SLC16A3: variants seen among roughly 807,000 people sequenced by gnomAD.
The protein encoded by SLC16A3 is monocarboxylate transporter 4.
Under a neutral mutation model 25.0 loss-of-function variants are expected in SLC16A3, and 22 were observed. That is an observed-to-expected ratio of 0.88 (90% CI 0.63 to 1.26). The LOEUF (loss-of-function observed/expected upper bound fraction) is 1.26. Ranked by LOEUF, SLC16A3 falls within the 50% of genes most tolerant of loss-of-function variation. The pLI is 0.00. For missense variants in SLC16A3, 731 were observed against 666.6 expected (o/e 1.10, Z -1.06); for synonymous variants, 390 against 309.2 (o/e 1.26, Z -2.74).
chr17:82,226,690 G>A (rs7215447), upstream of SLC16A3, among the ~76,000 whole-genome samples: 37,248 of 151,906 alleles, frequency 0.25, 5,012 homozygotes, highest in African/African-American at 0.34. Context: ...AATGCCCCCC[G>A]CCACCAACTG....
chr17:82,219,050 C>A (rs766899956), intron 1 of SLC16A3, among the ~76,000 whole-genome samples: 1 of 152,088 alleles, frequency 6.6e-6, no homozygotes, highest in African/African-American at 2.4e-5. Flanking sequence ...TCGGGGTTAC[C>A]GTGAGAGGAA....
intron 1 of SLC16A3, chr17:82,231,278 T>G (rs1196593112): frequency 2.0e-5 from 3 of 152,106 alleles, no homozygotes; most frequent in African/African-American, 4.8e-5. Flanking sequence ...CAGCCGTCCC[T>G]CCGGCCCGGG....
intron 4 of SLC16A3, among the ~76,000 whole-genome samples, chr17:82,238,237 A>C (rs1190244833): frequency 6.6e-6 from 1 of 152,178 alleles, no homozygotes; most frequent in East Asian, 1.9e-4. Context: ...TTGAAGGATG[A>C]CTGAGCTAAC....
upstream of SLC16A3, among the ~76,000 whole-genome samples, chr17:82,226,990 T>C (rs990302958): frequency 1.3e-5 from 2 of 152,138 alleles, no homozygotes; most frequent in Non-Finnish European, 2.9e-5. Context: ...GCCCACAGAC[T>C]TGACCTCTCT....
chr17:82,238,000 A>ACT, intron 4 of SLC16A3, 107 bp downstream of exon 4: 1 of 1,319,160 alleles, frequency 7.6e-7, no homozygotes, highest in Non-Finnish European at 1.0e-6. Context: ...GCAGTGTGGG[A>ACT]CTCAGAGCTG....
chr17:82,239,011 G>T lies in SLC16A3; in HGVS notation c.*35G>T. Reference sequence around the variant, plus strand: ...CGGGGCCGGCAGGCACAGGGAGGAGGTACAGAAGCCGGCAACGCTTGCTAT... The same window carrying T: ...CGGGGCCGGCAGGCACAGGGAGGAGTTACAGAAGCCGGCAACGCTTGCTAT... On this transcript the variant is annotated 3_prime_UTR_variant, in exon 5 of 5. Transcript: ENST00000582743. 1 of 1,488,774 alleles carries T rather than the reference G, an allele frequency of 6.7e-7. No homozygotes were observed. The highest frequency in any genetic ancestry group is 1.4e-5 in the South Asian group (1 of 69,342). The allele number at this position is 1,488,774 out of a possible 1,614,324, so 92.2% of individuals were successfully genotyped here.
intron 1 of SLC16A3, among the ~76,000 whole-genome samples, chr17:82,219,487 C>T (rs186946632): frequency 1.1e-3 from 166 of 152,244 alleles, no homozygotes; most frequent in African/African-American, 3.1e-3. Flanking sequence ...AGTGGCCGCC[C>T]GTAGGGTCTC....
intron 1 of SLC16A3, among the ~76,000 whole-genome samples, chr17:82,220,036 G>T (rs1460235577): frequency 6.6e-6 from 1 of 152,144 alleles, no homozygotes. Flanking sequence ...AGGTTGGGGG[G>T]GCTCTCAGGG....
In SLC16A3 at chr17:82,236,007, C is replaced by A. The variant is rs1409295594; in HGVS notation, c.-2C>A. On this transcript the variant is annotated 5_prime_UTR_variant, in exon 2 of 5. Coordinates refer to ENST00000582743, the MANE Select transcript of SLC16A3 (RefSeq NM_004207.4). ...GGTGAGGCGGAACCAACCCTCCTGG[C>A]CATGGGAGGGGCCGTGGTGGACGAG... The A allele has an allele frequency of 1.2e-6, 2 of 1,610,102 alleles. No homozygotes were observed. Among genetic ancestry groups the A allele is most frequent in the Non-Finnish European group, 1.7e-6 (2 of 1,178,844 alleles).
Position 82,237,429 on chromosome 17 carries a change from T to C in SLC16A3, c.659T>C (p.Leu220Pro), listed in dbSNP as rs1599560456. 1 of 1,585,166 alleles carries C rather than the reference T, an allele frequency of 6.3e-7. No individual in the cohort carries two copies. Residue 220 changes from leucine (L) to proline (P), a missense_variant, in exon 4 of 5, where the codon CTG (leucine) becomes CCG (proline). Coordinates refer to ENST00000582743, the MANE Select transcript of SLC16A3 (RefSeq NM_004207.4). ...PPRPSRRLLD[L>P]SVFRDRGFVL... is the part of the protein sequence containing the mutation. ...CGACCCTCCCGGCGCCTGCTAGACCTGAGCGTCTTCCGGGACCGCGGCTTT... is the reference window on the plus strand; with the variant it reads ...CGACCCTCCCGGCGCCTGCTAGACCCGAGCGTCTTCCGGGACCGCGGCTTT...
At position 82,239,872 on chromosome 17, in the gene SLC16A3, C is replaced by G. The variant is rs571451542; in HGVS notation, c.*896C>G. 10 of 625,498 alleles carry G rather than the reference C, an allele frequency of 1.6e-5. No homozygotes were observed. Among genetic ancestry groups the G allele is most frequent in the Non-Finnish European group, 2.3e-5 (10 of 434,106 alleles). The allele number at this position is 625,498 out of a possible 1,614,324, so 38.7% of individuals were successfully genotyped here. A position where few individuals can be genotyped will look rare whatever the true frequency, so the allele number is the denominator to read the frequency against. Reference sequence around the variant, plus strand: ...CTTTGCACCCTGTCCTCCATCCAGCCCGGCCCAGCGCTTGGGCTTGTCCTG... The same window carrying G: ...CTTTGCACCCTGTCCTCCATCCAGCGCGGCCCAGCGCTTGGGCTTGTCCTG... On this transcript the variant is annotated 3_prime_UTR_variant, in exon 5 of 5. Transcript: ENST00000582743.
In SLC16A3 at chr17:82,236,573, T is replaced by C. The variant is rs754135222; in HGVS notation, c.224-156T>C. 1.9e-5 allele frequency: 21 copies of C among 1,089,038 alleles called. No individual in the cohort carries two copies. The African/African-American group carries it at 2.5e-4, about 13-fold the overall frequency. The allele number at this position is 1,089,038 out of a possible 1,614,324, so 67.5% of individuals were successfully genotyped here. ...GCGGCGCTCACGTGTCATCATGGCCTGCGCTCGGGGAGCCTGCCCACGGGG... is the reference window on the plus strand; with the variant it reads ...GCGGCGCTCACGTGTCATCATGGCCCGCGCTCGGGGAGCCTGCCCACGGGG... On this transcript the variant is annotated intron_variant, in intron 2 of 4. Transcript: ENST00000582743.
chr17:82,238,471 C>CA (rs1220582961), intron 4 of SLC16A3, among the ~76,000 whole-genome samples: 1 of 152,224 alleles, frequency 6.6e-6, no homozygotes, highest in African/African-American at 2.4e-5. Flanking sequence ...ACCCAAACTC[C>CA]ACAAAGCCAT....
rs376724378 is a variant in SLC16A3 at position 82,236,194 on chromosome 17, G to T, written c.186G>T (p.Trp62Cys). ...EFGIGYSDTA[W>C]ISSILLAMLY... The stretch of plus-strand genomic sequence containing the variant: ...GGATCGGCTACAGCGACACAGCCTG[G>T]ATCTCCTCCATCCTGCTGGCCATGC... The change falls in exon 2 of 5, where the codon TGG (tryptophan) becomes TGT (cysteine). Residue 62 changes from tryptophan to cysteine, a missense_variant. Trp to Cys is a radical substitution (Grantham distance 215). Transcript: ENST00000582743. The T allele has an allele frequency of 1.9e-6, 3 of 1,612,998 alleles. No individual in the cohort carries two copies. Among genetic ancestry groups the T allele is most frequent in the Non-Finnish European group, 1.7e-6 (2 of 1,179,962 alleles).
At position 82,236,754 on chromosome 17, in the gene SLC16A3, C is replaced by T. The variant is rs1438990253; in HGVS notation, c.249C>T (p.Asn83=). The change falls in exon 3 of 5, where the codon AAC becomes AAT. Residue 83 remains asparagine (N), a synonymous_variant. Coordinates refer to ENST00000582743, the MANE Select transcript of SLC16A3 (RefSeq NM_004207.4). ...GTGPLCSVCV[N]RFGCRPVMLV... The stretch of plus-strand genomic sequence containing the variant: ...GTCCGCTCTGCAGTGTGTGCGTGAA[C>T]CGCTTTGGCTGCCGGCCCGTCATGC... 6.2e-7 allele frequency: 1 copy of T among 1,608,078 alleles called. No individual in the cohort carries two copies. The highest frequency in any genetic ancestry group is 1.7e-5 in the Admixed American group (1 of 60,020).
chr17:82,239,966 G>A lies in SLC16A3; in HGVS notation c.*990G>A, dbSNP rs966112068. On this transcript the variant is annotated 3_prime_UTR_variant, in exon 5 of 5. Transcript: ENST00000582743. The stretch of plus-strand genomic sequence containing the variant: ...GTGGCTGGGAGCCCGGTCAGAGGCC[G>A]CCGGGGCCCTCAGTAGGTGCGTCGT... 3.7e-5 allele frequency: 46 copies of A among 1,231,874 alleles called. No homozygotes were observed. The highest frequency in any genetic ancestry group is 8.4e-5 in the Admixed American group (2 of 23,708). The allele number at this position is 1,231,874 out of a possible 1,614,324, so 76.3% of individuals were successfully genotyped here.
At chr17:82,232,928 G>GGGGT (rs2050523689) in intron 1 of SLC16A3, among the ~76,000 whole-genome samples, 1 of 148,172 alleles carries the variant, frequency 6.7e-6, no homozygotes, top group Non-Finnish European at 1.5e-5. Flanking sequence ...CGGGGGGGGG[G>GGGGT]TTGGTAAATG....
Position 82,237,646 on chromosome 17 carries a change from C to T in SLC16A3, c.876C>T (p.Pro292=), listed in dbSNP as rs1289728690. 3.1e-6 allele frequency: 5 copies of T among 1,612,954 alleles called. No individual in the cohort carries two copies. Among genetic ancestry groups the T allele is most frequent in the Non-Finnish European group, 4.2e-6 (5 of 1,179,934 alleles). ...TGGCGGGGCTTGGGAAGGTGCGGCC[C>T]TACTCCGTCTACCTCTTCAGCTTCT... ...GFVAGLGKVR[P]YSVYLFSFSM... Residue 292 remains proline, a synonymous_variant, in exon 4 of 5, where the codon CCC becomes CCT. Coordinates refer to ENST00000582743, the MANE Select transcript of SLC16A3 (RefSeq NM_004207.4).
intron 1 of SLC16A3, among the ~76,000 whole-genome samples, chr17:82,233,185 C>T (rs753761593): frequency 1.6e-4 from 24 of 152,218 alleles, no homozygotes; most frequent in Non-Finnish European, 2.9e-4. Flanking sequence ...ACAGCTGGCT[C>T]CAAGTCAGCC....
Sources: allele counts gnomAD v4.1 joint callset (sites outside exome capture counted in the v4.1 genomes callset), GRCh38; gene constraint gnomAD v4.1.1; transcripts MANE v1.5; gene names NCBI Gene and HGNC (gene_info 2026-07-23, HGNC 2026-07-21).